Variants in SPTLC3 observed in about 807,000 individuals in gnomAD.
SPTLC3 encodes serine palmitoyltransferase 3.
In SPTLC3, 36 loss-of-function variants were observed where a neutral mutation model predicts 59.3. The ratio of observed to expected loss-of-function variants is 0.61; its 90% CI spans 0.47 to 0.80. The LOEUF (loss-of-function observed/expected upper bound fraction) is 0.80, where lower values mean the gene tolerates loss of function less well. SPTLC3 is among the 30% of genes least tolerant of loss of function. The pLI is 0.00. For missense variants in SPTLC3, 625 were observed against 685.1 expected (o/e 0.91, Z 0.98); for synonymous variants, 257 against 240.8 (o/e 1.07, Z -0.62).
intron 6 of SPTLC3, among the ~76,000 whole-genome samples, chr20:13,097,063 T>C (rs377250939): frequency 6.6e-6 from 1 of 152,136 alleles, no homozygotes; most frequent in African/African-American, 2.4e-5. Flanking sequence ...TTGTAGCTGC[T>C]ATGTTATTAC....
At chr20:13,103,252 G>A (rs970692755) in intron 6 of SPTLC3, among the ~76,000 whole-genome samples, 10 of 152,206 alleles carry the variant, frequency 6.6e-5, no homozygotes, top group South Asian at 4.2e-4. Flanking sequence ...TTTTGTTTCC[G>A]CCGAAAGGCT....
intron 1 of SPTLC3, among the ~76,000 whole-genome samples, chr20:13,028,239 AT>A (rs1008775537): frequency 6.6e-6 from 1 of 152,050 alleles, no homozygotes; most frequent in Non-Finnish European, 1.5e-5. Flanking sequence ...ATGTTATATG[AT>A]TTTTTTTAAG....
intron 2 of SPTLC3, among the ~76,000 whole-genome samples, chr20:13,064,284 GTTTTGTTTTTGT>G (rs561558915): frequency 0.11 from 15,108 of 131,680 alleles, 723 homozygotes; most frequent in African/African-American, 0.18. Flanking sequence ...TTTTTTTTTT[GTTTTGTTTTTGT>G]TTTTGTTTTT....
intron 1 of SPTLC3, among the ~76,000 whole-genome samples, chr20:13,042,477 G>T (rs1234005748): frequency 6.6e-6 from 1 of 152,102 alleles, no homozygotes; most frequent in East Asian, 1.9e-4. Flanking sequence ...GGTAATTGGG[G>T]CCCCAGTATT....
intron 6 of SPTLC3, among the ~76,000 whole-genome samples, chr20:13,099,019 A>C (rs1226843754): frequency 6.6e-6 from 1 of 152,152 alleles, no homozygotes; most frequent in Non-Finnish European, 1.5e-5. Flanking sequence ...CACCCTCCAA[A>C]GACGTCCATG....
At chr20:13,128,467 C>A (rs529298256) in intron 9 of SPTLC3, among the ~76,000 whole-genome samples, 1 of 152,258 alleles carries the variant, frequency 6.6e-6, no homozygotes, top group East Asian at 1.9e-4. Context: ...CTGCTTTCAC[C>A]TTAAGGGTTC....
chr20:13,097,086 C>T (rs1324393439), intron 6 of SPTLC3, among the ~76,000 whole-genome samples: 2 of 152,032 alleles, frequency 1.3e-5, no homozygotes, highest in African/African-American at 4.8e-5. Context: ...TTATTACCCT[C>T]GTCATTGTCA....
At chr20:13,011,099 C>T (rs1430152425) in intron 1 of SPTLC3, among the ~76,000 whole-genome samples, 7 of 151,976 alleles carry the variant, frequency 4.6e-5, no homozygotes, top group Non-Finnish European at 1.0e-4. Flanking sequence ...CATTGAGAGC[C>T]TCAATTATGG....
chr20:13,115,035 T>A (rs1600304834), intron 7 of SPTLC3, among the ~76,000 whole-genome samples: 1 of 152,344 alleles, frequency 6.6e-6, no homozygotes, highest in South Asian at 2.1e-4. Flanking sequence ...TACAGTCGTG[T>A]TTTAGTTGTT....
At chr20:13,096,107 T>G (rs867803196) in intron 6 of SPTLC3, among the ~76,000 whole-genome samples, 1 of 152,134 alleles carries the variant, frequency 6.6e-6, no homozygotes, top group Non-Finnish European at 1.5e-5. Flanking sequence ...TAGCTAAAAT[T>G]TAAAAGATGA....
intron 2 of SPTLC3, among the ~76,000 whole-genome samples, chr20:13,065,595 A>T (rs1335658201): frequency 6.6e-6 from 1 of 152,066 alleles, no homozygotes; most frequent in Non-Finnish European, 1.5e-5. Context: ...AACATTGGCA[A>T]TTCCATATGG....
chr20:13,110,562 C>A (rs530129733), intron 7 of SPTLC3, among the ~76,000 whole-genome samples: 226 of 152,300 alleles, frequency 1.5e-3, no homozygotes, highest in African/African-American at 5.2e-3. Context: ...TCAAAACACT[C>A]CTTGCCTTTA....
intron 1 of SPTLC3, among the ~76,000 whole-genome samples, chr20:13,027,755 A>C (rs1405148996): frequency 6.6e-6 from 1 of 152,086 alleles, no homozygotes; most frequent in Non-Finnish European, 1.5e-5. Flanking sequence ...AATTTTAAAA[A>C]TCCATGCGAT....
chr20:13,115,139 G>A (rs955283833), intron 7 of SPTLC3, among the ~76,000 whole-genome samples: 1 of 152,142 alleles, frequency 6.6e-6, no homozygotes, highest in Non-Finnish European at 1.5e-5. Flanking sequence ...TTTTGGCACT[G>A]TTTTTTGACA....
intron 4 of SPTLC3, among the ~76,000 whole-genome samples, chr20:13,075,186 T>C (rs1212020441): frequency 6.6e-6 from 1 of 151,850 alleles, no homozygotes; most frequent in Non-Finnish European, 1.5e-5. Context: ...TATTCTCATC[T>C]TCTGGGGGAA....
intron 8 of SPTLC3, among the ~76,000 whole-genome samples, chr20:13,118,448 G>GAAAAAAAA (rs376312661): frequency 9.3e-4 from 101 of 108,704 alleles, no homozygotes; most frequent in Non-Finnish European, 1.2e-3. Flanking sequence ...AGAGGTTTGT[G>GAAAAAAAA]GAAAAAAAAA....
chr20:13,038,405 GT>G (rs1382460767), intron 1 of SPTLC3, among the ~76,000 whole-genome samples: 1 of 152,018 alleles, frequency 6.6e-6, no homozygotes, highest in Non-Finnish European at 1.5e-5. Flanking sequence ...TATTGAGTTG[GT>G]TTTTTGTATT....
chr20:13,148,319 C>T (rs1233947388), intron 9 of SPTLC3, among the ~76,000 whole-genome samples: 1 of 152,168 alleles, frequency 6.6e-6, no homozygotes, highest in Non-Finnish European at 1.5e-5. Context: ...TTAACCTAGC[C>T]TGTCTCTCAA....
At chr20:13,069,226 G>A (rs1056615158) in intron 2 of SPTLC3, among the ~76,000 whole-genome samples, 20 of 152,148 alleles carry the variant, frequency 1.3e-4, no homozygotes, top group Non-Finnish European at 2.8e-4. Flanking sequence ...AGGTATGACC[G>A]AAATCACTCT....
Sources: allele counts gnomAD v4.1 joint callset (sites outside exome capture counted in the v4.1 genomes callset), GRCh38; gene constraint gnomAD v4.1.1; transcripts MANE v1.5; gene names NCBI Gene and HGNC (gene_info 2026-07-23, HGNC 2026-07-21).